Variants in TMEM167A observed in about 807,000 individuals in gnomAD.
TMEM167A encodes transmembrane protein 167A.
In TMEM167A, 8 loss-of-function variants were observed where a neutral mutation model predicts 11.6. The observed-to-expected ratio is 0.69, with a 90% CI of 0.40 to 1.24. The LOEUF is 1.24. Ranked by LOEUF, TMEM167A falls within the 50% of genes most tolerant of loss-of-function variation. TMEM167A has a pLI of 0.01. For missense variants in TMEM167A, 62 were observed against 87.0 expected (o/e 0.71, Z 1.14); for synonymous variants, 22 against 28.0 (o/e 0.79, Z 0.67).
At chr5:83,057,178 A>T (rs1400988054) in intron 3 of TMEM167A, 24 bp from the exon 4 acceptor site, 2 of 1,606,720 alleles carry the variant, frequency 1.2e-6, no homozygotes, top group Non-Finnish European at 1.7e-6. Flanking sequence ...GGAGATGTTC[A>T]TCTTGATTAA....
chr5:83,058,565 T>C (rs892944956), intron 3 of TMEM167A, among the ~76,000 whole-genome samples: 2 of 152,080 alleles, frequency 1.3e-5, no homozygotes, highest in African/African-American at 4.8e-5. Context: ...ACCCCATTTG[T>C]AAATAAATTT....
At chr5:83,069,317 G>C (rs1209827491) in intron 1 of TMEM167A, among the ~76,000 whole-genome samples, 1 of 152,030 alleles carries the variant, frequency 6.6e-6, no homozygotes, top group Non-Finnish European at 1.5e-5. Flanking sequence ...AGGGTTAAAG[G>C]AAACAGATGT....
At chr5:83,075,326 T>C (rs1744625324) in intron 1 of TMEM167A, among the ~76,000 whole-genome samples, 1 of 152,120 alleles carries the variant, frequency 6.6e-6, no homozygotes, top group South Asian at 2.1e-4. Flanking sequence ...GGATGTTAGG[T>C]GTTGGGGGGA....
chr5:83,059,192 CTATT>C (rs1359173347), intron 3 of TMEM167A, among the ~76,000 whole-genome samples: 1 of 149,530 alleles, frequency 6.7e-6, no homozygotes, highest in African/African-American at 2.5e-5. Flanking sequence ...ACACTAGACA[CTATT>C]TATACTCAGA....
rs746223832 is a variant in TMEM167A at position 83,061,889 on chromosome 5, A to G, written c.136T>C (p.Cys46Arg). ...KTGLLGIFWK[C>R]ARIGERKSPY... ...TATAGACACTTACCAATTCTGGCAC[A>G]CTTCCAAAATATACCCAACAATCTG... The change falls in exon 3 of 4, where the codon TGT becomes CGT. Residue 46 changes from cysteine (C) to arginine (R), a missense_variant. Transcript: ENST00000502346. 9.9e-6 allele frequency: 16 copies of G among 1,613,364 alleles called. No homozygotes were observed. The Admixed American group carries it at 2.2e-4, about 22-fold the overall frequency.
At chr5:83,074,435 G>A (rs1190321096) in intron 1 of TMEM167A, among the ~76,000 whole-genome samples, 2 of 152,172 alleles carry the variant, frequency 1.3e-5, no homozygotes. Flanking sequence ...CATATCTTCT[G>A]CTATAAGAGG....
Position 83,055,530 on chromosome 5 carries a change from C to T in TMEM167A, c.*1554G>A, listed in dbSNP as rs1204744644. ...ATTCCCTATCTAAAGCAAAATATAC[C>T]ACTTTTAACTGCCATAGACATGCCA... is the stretch of plus-strand genomic sequence containing the variant. On this transcript the variant is annotated 3_prime_UTR_variant, in exon 4 of 4. Coordinates refer to ENST00000502346, the MANE Select transcript of TMEM167A (RefSeq NM_174909.5). 2 of 151,836 alleles carry T rather than the reference C, an allele frequency of 1.3e-5. No homozygotes were observed. The highest frequency in any genetic ancestry group is 4.8e-5 in the African/African-American group (2 of 41,378). 9.4% of individuals were successfully genotyped at this position (151,836 alleles called of 1,614,324 possible). A position where few individuals can be genotyped will look rare whatever the true frequency, so the allele number is the denominator to read the frequency against.
chr5:83,053,046 T>C lies in TMEM167A; in HGVS notation c.*4038A>G, dbSNP rs972067590. The stretch of plus-strand genomic sequence containing the variant: ...ATGGAAGGCAGTGTATAAATAACAT[T>C]AATTATGAAGCTACTTTTCAGAAGC... On this transcript the variant is annotated 3_prime_UTR_variant, in exon 4 of 4. Coordinates refer to ENST00000502346, the MANE Select transcript of TMEM167A (RefSeq NM_174909.5). 4.6e-5 allele frequency: 7 copies of C among 151,970 alleles called. No individual in the cohort carries two copies. The highest frequency in any genetic ancestry group is 1.4e-4 in the African/African-American group (6 of 41,512). 9.4% of individuals were successfully genotyped at this position (151,970 alleles called of 1,614,324 possible). A position where few individuals can be genotyped will look rare whatever the true frequency, so the allele number is the denominator to read the frequency against.
intron 3 of TMEM167A, among the ~76,000 whole-genome samples, chr5:83,060,973 T>C (rs957678517): frequency 2.6e-5 from 4 of 152,180 alleles, no homozygotes; most frequent in African/African-American, 9.7e-5. Context: ...TATTATTAAC[T>C]ATAAAAACAT....
intron 1 of TMEM167A, among the ~76,000 whole-genome samples, chr5:83,077,004 A>C (rs1744686343): frequency 6.6e-6 from 1 of 152,258 alleles, no homozygotes; most frequent in East Asian, 1.9e-4. Flanking sequence ...CGGAAACTCG[A>C]GAAGCGCTAA....
chr5:83,070,909 T>C (rs1744550529), intron 1 of TMEM167A, among the ~76,000 whole-genome samples: 1 of 151,868 alleles, frequency 6.6e-6, no homozygotes, highest in African/African-American at 2.4e-5. Context: ...AACAAAACTT[T>C]CAAATAAGAA....
intron 1 of TMEM167A, among the ~76,000 whole-genome samples, chr5:83,073,228 A>G (rs1018610168): frequency 6.6e-6 from 1 of 152,232 alleles, no homozygotes; most frequent in Non-Finnish European, 1.5e-5. Flanking sequence ...TACGACTTTA[A>G]TAAAACCTTG....
intron 1 of TMEM167A, among the ~76,000 whole-genome samples, chr5:83,072,581 T>G (rs1744578964): frequency 6.6e-6 from 1 of 152,152 alleles, no homozygotes; most frequent in Admixed American, 6.5e-5. Context: ...CAGACTGGAG[T>G]GCAGTGGCAT....
chr5:83,065,024 C>G lies in TMEM167A; in HGVS notation c.97G>C (p.Asp33His), dbSNP rs1744461848. The G allele has an allele frequency of 1.2e-6, 2 of 1,603,378 alleles. No individual in the cohort carries two copies. The highest frequency in any genetic ancestry group is 1.7e-6 in the Non-Finnish European group (2 of 1,174,874). The part of the protein sequence containing the change: ...YIRSLAPSLL[D>H]RNKTGLLGIF... ...GTAACATACCCAGTTTTATTTCTGTCCAGGAGGCTGGGTGCCAAGGATCGA... is the reference window on the plus strand; with the variant it reads ...GTAACATACCCAGTTTTATTTCTGTGCAGGAGGCTGGGTGCCAAGGATCGA... Residue 33 changes from aspartate to histidine, a missense_variant, in exon 2 of 4, where the codon GAC (aspartate) becomes CAC (histidine). Asp to His is a moderately conservative substitution (Grantham distance 81). Coordinates refer to ENST00000502346, the MANE Select transcript of TMEM167A (RefSeq NM_174909.5).
chr5:83,065,575 G>A (rs924436554), intron 1 of TMEM167A, among the ~76,000 whole-genome samples: 2 of 151,770 alleles, frequency 1.3e-5, no homozygotes, highest in African/African-American at 4.8e-5. Context: ...AATCCAAAAT[G>A]TTCCAAAATC....
At chr5:83,077,209 C>T in intron 1 of TMEM167A, 112 bp downstream of exon 1, 1 of 1,496,084 alleles carries the variant, frequency 6.7e-7, no homozygotes, top group Non-Finnish European at 9.3e-7. Context: ...GGCTCCAAGG[C>T]CTCTCAGCTC....
At chr5:83,057,722 T>C (rs1428825068) in intron 3 of TMEM167A, among the ~76,000 whole-genome samples, 2 of 152,124 alleles carry the variant, frequency 1.3e-5, no homozygotes, top group Non-Finnish European at 2.9e-5. Context: ...ATTTCTGAGA[T>C]AGTATGCTTA....
In TMEM167A at chr5:83,056,380, TCATGCACAAAATA is replaced by T. The variant is rs1561300344; in HGVS notation, c.*691_*703del. On this transcript the variant is annotated 3_prime_UTR_variant, in exon 4 of 4. Coordinates refer to ENST00000502346, the MANE Select transcript of TMEM167A (RefSeq NM_174909.5). ...AGAAAGACAGCTTTCCAGCAAAAATTCATGCACAAAATACATATACTTGACAAGATGTTTCAGA... is the reference window on the plus strand; with the variant it reads ...AGAAAGACAGCTTTCCAGCAAAAATTCATATACTTGACAAGATGTTTCAGA... 1 of 151,992 alleles carries T rather than the reference TCATGCACAAAATA, an allele frequency of 6.6e-6. No individual in the cohort carries two copies. Among genetic ancestry groups the T allele is most frequent in the Admixed American group, 6.6e-5 (1 of 15,224 alleles). 9.4% of individuals were successfully genotyped at this position (151,992 alleles called of 1,614,324 possible).
In TMEM167A at chr5:83,055,019, A is replaced by C. The variant is rs764010105; in HGVS notation, c.*2065T>G. 6.6e-6 allele frequency: 1 copy of C among 151,952 alleles called. No homozygotes were observed. Among genetic ancestry groups the C allele is most frequent in the Non-Finnish European group, 1.5e-5 (1 of 67,918 alleles). 9.4% of individuals were successfully genotyped at this position (151,952 alleles called of 1,614,324 possible). ...GGTCCTCTTTGAAAAATATACATTA[A>C]AGAAAATGTTAATTGCTTTTATTCA... On this transcript the variant is annotated 3_prime_UTR_variant, in exon 4 of 4. Coordinates refer to ENST00000502346, the MANE Select transcript of TMEM167A (RefSeq NM_174909.5).
Sources: allele counts gnomAD v4.1 joint callset (sites outside exome capture counted in the v4.1 genomes callset), GRCh38; gene constraint gnomAD v4.1.1; transcripts MANE v1.5; gene names NCBI Gene and HGNC (gene_info 2026-07-23, HGNC 2026-07-21).